GAB1: variants seen among roughly 807,000 people sequenced by gnomAD.
GAB1 encodes GRB2 associated binding protein 1.
In GAB1, 19 loss-of-function variants were observed where a neutral mutation model predicts 66.5. That is an observed-to-expected ratio of 0.29 (90% CI 0.20 to 0.42). The LOEUF (loss-of-function observed/expected upper bound fraction) is 0.42, where lower values mean the gene tolerates loss of function less well. Ranked by LOEUF, GAB1 falls within the 10% of genes least tolerant of loss-of-function variation. GAB1 has a pLI of 1.00. For synonymous variants in GAB1, 294 were observed against 301.4 expected (o/e 0.98, Z 0.25); for missense variants, 732 against 858.5 (o/e 0.85, Z 1.84).
intron 5 of GAB1, 40 bp downstream of exon 5, chr4:143,439,927 T>C (rs1734132505): frequency 6.6e-7 from 1 of 1,514,190 alleles, no homozygotes. Context: ...GTGTATTTCA[T>C]TGTCTAAATC....
chr4:143,382,214 A>G (rs534313165), intron 1 of GAB1, among the ~76,000 whole-genome samples: 1 of 152,314 alleles, frequency 6.6e-6, no homozygotes, highest in African/African-American at 2.4e-5. Flanking sequence ...TTCATTGTTG[A>G]AACATCTCTT....
chr4:143,399,599 A>G (rs868471952), intron 1 of GAB1, among the ~76,000 whole-genome samples: 1 of 152,270 alleles, frequency 6.6e-6, no homozygotes, highest in Middle Eastern at 3.4e-3. Flanking sequence ...ACCCATATCA[A>G]TACACTGCAT....
chr4:143,406,105 G>T (rs1218721567), intron 1 of GAB1, among the ~76,000 whole-genome samples: 1 of 152,184 alleles, frequency 6.6e-6, no homozygotes. Flanking sequence ...TTTCTAGGAT[G>T]TGGGACTTGC....
chr4:143,340,387 A>C (rs946041217), intron 1 of GAB1, among the ~76,000 whole-genome samples: 2 of 152,154 alleles, frequency 1.3e-5, no homozygotes, highest in Non-Finnish European at 2.9e-5. Flanking sequence ...TTCTGTTTGG[A>C]AATATTTGGC....
At chr4:143,369,267 A>G (rs913195658) in intron 1 of GAB1, among the ~76,000 whole-genome samples, 1 of 151,568 alleles carries the variant, frequency 6.6e-6, no homozygotes, top group African/African-American at 2.4e-5. Context: ...AGTAGAGATG[A>G]GGTTTCACCA....
In GAB1 at chr4:143,438,386, C is replaced by G; in HGVS notation, c.981C>G (p.Thr327=). 3 of 1,614,054 alleles carry G rather than the reference C, an allele frequency of 1.9e-6. No individual in the cohort carries two copies. Among genetic ancestry groups the G allele is most frequent in the Non-Finnish European group, 1.7e-6 (2 of 1,179,990 alleles). The change falls in exon 4 of 10, where the codon ACC becomes ACG. Residue 327 remains threonine, a synonymous_variant. Coordinates refer to ENST00000262994, the MANE Select transcript of GAB1 (RefSeq NM_002039.4). ...YQIPRTFPEG[T]LGQTSKLDTI... is the part of the protein sequence containing the mutation. ...TTCCACGAACATTTCCAGAAGGAACCTTGGGACAGACATCAAAGCTAGACA... is the reference window on the plus strand; with the variant it reads ...TTCCACGAACATTTCCAGAAGGAACGTTGGGACAGACATCAAAGCTAGACA...
intron 6 of GAB1, among the ~76,000 whole-genome samples, chr4:143,443,014 C>CTTTTTTTTT (rs755148605): frequency 3.9e-5 from 5 of 126,778 alleles, no homozygotes; most frequent in African/African-American, 1.2e-4. Flanking sequence ...TACTATTTTA[C>CTTTTTTTTT]TTTTTTTTTT....
At chr4:143,374,860 G>A (rs1730343090) in intron 1 of GAB1, among the ~76,000 whole-genome samples, 2 of 152,268 alleles carry the variant, frequency 1.3e-5, no homozygotes, top group Admixed American at 1.3e-4. Flanking sequence ...TTGACATCTG[G>A]CCTTCCTTAC....
chr4:143,415,920 TTTAA>T, intron 2 of GAB1, 149 bp downstream of exon 2: 1 of 665,768 alleles, frequency 1.5e-6, no homozygotes. Flanking sequence ...CACTGAATCC[TTTAA>T]TTAGTTTGGG....
chr4:143,378,629 GTCTCTCTCTCTCTCTCTCTCTCTC>G (rs3049720), intron 1 of GAB1, among the ~76,000 whole-genome samples: 1,554 of 129,240 alleles, frequency 0.012, 34 homozygotes, highest in African/African-American at 0.043. Context: ...CTTCCAAAGT[GTCTCTCTCTCTCTCTCTCTCTCTC>G]TCTCTCTCTC....
Position 143,445,792 on chromosome 4 carries a change from T to A in GAB1, c.1585+5410T>A, listed in dbSNP as rs1478292408. Among the ~76,000 whole-genome samples, 3 of 151,874 alleles carry A rather than the reference T, an allele frequency of 2.0e-5. No homozygotes were observed. In the South Asian group the frequency reaches 6.2e-4, roughly 31 times the overall value. ...TCACATTTATTGATTTGTTTTTTTGTTTGTTTGTTTTTAATTATACTTTAA... is the reference window on the plus strand; with the variant it reads ...TCACATTTATTGATTTGTTTTTTTGATTGTTTGTTTTTAATTATACTTTAA... On this transcript the variant is annotated intron_variant, in intron 6 of 9. Transcript: ENST00000262994.
rs1351771552 is a variant in GAB1 at position 143,439,846 on chromosome 4, A to T, written c.1240A>T (p.Ser414Cys). Residue 414 changes from serine (S) to cysteine (C), a missense_variant, in exon 5 of 10, where the codon AGT becomes TGT. Ser to Cys is a moderately radical substitution (Grantham distance 112, BLOSUM62 -1). Around this residue, in one of 4 missense-constraint regions of GAB1, gnomAD observed 427 missense variants for 420.6 expected, o/e 1.02. Transcript: ENST00000262994. ...DCYDIPRAFP[S>C]DRSSSLEGFH... ...CTATGATATTCCACGAGCATTTCCA[A>T]GTGATAGATCTAGTTCACTTGAAGG... 2 of 1,613,556 alleles carry T rather than the reference A, an allele frequency of 1.2e-6. No homozygotes were observed. The highest frequency in any genetic ancestry group is 3.3e-5 in the Admixed American group (2 of 59,984).
At chr4:143,337,308 C>T in intron 1 of GAB1, 48 bp downstream of exon 1, 3 of 1,488,288 alleles carry the variant, frequency 2.0e-6, no homozygotes, top group Non-Finnish European at 2.8e-6. Context: ...CGTCCACACC[C>T]CTCCCCAGTC....
intron 1 of GAB1, among the ~76,000 whole-genome samples, chr4:143,383,211 CTG>C (rs1004259289): frequency 2.6e-5 from 4 of 152,298 alleles, no homozygotes; most frequent in Admixed American, 2.0e-4. Flanking sequence ...CCCAGAGGCT[CTG>C]TATTTCCATA....
chr4:143,396,423 TG>T (rs1232229474), intron 1 of GAB1, among the ~76,000 whole-genome samples: 3 of 151,724 alleles, frequency 2.0e-5, no homozygotes, highest in African/African-American at 7.3e-5. Context: ...TGAGGAGAGA[TG>T]GGGGGAAAGG....
intron 1 of GAB1, among the ~76,000 whole-genome samples, chr4:143,358,287 C>CT (rs1373354694): frequency 2.6e-5 from 4 of 152,072 alleles, no homozygotes; most frequent in Non-Finnish European, 4.4e-5. Context: ...AGTTTCATAG[C>CT]TTTTTTTCCA....
At chr4:143,343,905 T>G (rs891361028) in intron 1 of GAB1, among the ~76,000 whole-genome samples, 8 of 152,182 alleles carry the variant, frequency 5.3e-5, no homozygotes, top group Non-Finnish European at 7.3e-5. Context: ...TCTTCTAGTT[T>G]GAGAAGTTTT....
chr4:143,393,258 A>G (rs72721075), intron 1 of GAB1, among the ~76,000 whole-genome samples: 2,345 of 151,718 alleles, frequency 0.015, 46 homozygotes, highest in South Asian at 0.03. Flanking sequence ...AAAAAAGAAT[A>G]TGAGACAGAA....
intron 1 of GAB1, among the ~76,000 whole-genome samples, chr4:143,368,842 T>C (rs1729994868): frequency 6.6e-6 from 1 of 152,140 alleles, no homozygotes; most frequent in African/African-American, 2.4e-5. Flanking sequence ...TGGAGCACTA[T>C]GGCGCCATCT....
Sources: gnomAD v4.1 joint callset for allele counts (sites outside exome capture counted in the v4.1 genomes callset) on GRCh38, gnomAD v4.1.1 for gene constraint, gnomAD v4.1.1 regional missense constraint, MANE v1.5 for transcripts, NCBI Gene and HGNC (gene_info 2026-07-23, HGNC 2026-07-21) for gene names.